The following LAMA2 variants were observed in gnomAD, a reference collection of about 807,000 sequenced individuals.
The protein encoded by LAMA2 is laminin subunit alpha 2, also known as laminin subunit alpha-2.
LAMA2 carries 269 observed loss-of-function variants against 364.8 expected under a neutral mutation model. That is an observed-to-expected ratio of 0.74 (90% CI 0.67 to 0.82). The LOEUF (loss-of-function observed/expected upper bound fraction) is 0.82, where lower values mean the gene tolerates loss of function less well. Among genes scored for constraint, LAMA2 ranks in the 40% least tolerant of loss-of-function variants. LAMA2 has a pLI of 0.00. For missense variants in LAMA2, 3,807 were observed against 3,873.2 expected (o/e 0.98, Z 0.45); for synonymous variants, 1,379 against 1,370.6 (o/e 1.01, Z -0.14).
Position 129,250,144 on chromosome 6 carries a change from C to T in LAMA2, c.1815C>T (p.Thr605=), listed in dbSNP as rs2114276312. 6.2e-7 allele frequency: 1 copy of T among 1,608,712 alleles called. No individual in the cohort carries two copies. Among genetic ancestry groups the T allele is most frequent in the Admixed American group, 1.7e-5 (1 of 59,990 alleles). ...LPAVGGQLTF[T]ISYDLEEEEE... The stretch of plus-strand genomic sequence containing the variant: ...CAGTAGGAGGACAGTTGACATTTAC[C>T]ATATCATATGACCTTGAAGAAGAGG... Residue 605 remains threonine, a synonymous_variant, in exon 13 of 65, where the codon ACC becomes ACT. Transcript: ENST00000421865.
intron 12 of LAMA2, among the ~76,000 whole-genome samples, chr6:129,195,738 G>T (rs549026760): frequency 7.2e-4 from 110 of 152,248 alleles, no homozygotes; most frequent in Non-Finnish European, 1.2e-3. Flanking sequence ...TGGTTTTAGG[G>T]CATTTGTTTA....
chr6:129,184,779 A>G (rs1206448558), intron 10 of LAMA2, among the ~76,000 whole-genome samples: 2 of 151,832 alleles, frequency 1.3e-5, no homozygotes, highest in South Asian at 2.1e-4. Context: ...CTCTATTGCC[A>G]TAGTTTCTCA....
intron 1 of LAMA2, among the ~76,000 whole-genome samples, chr6:128,902,326 A>G (rs982689695): frequency 6.6e-6 from 1 of 152,206 alleles, no homozygotes; most frequent in Non-Finnish European, 1.5e-5. Context: ...TTTCCAGTTG[A>G]AAGTATTTCC....
chr6:128,997,000 A>G (rs1258418063), intron 1 of LAMA2, among the ~76,000 whole-genome samples: 1 of 152,164 alleles, frequency 6.6e-6, no homozygotes, highest in African/African-American at 2.4e-5. Context: ...GCTGGAAACC[A>G]TCATTCTCAG....
At chr6:129,477,315 A>C (rs1328725711) in intron 53 of LAMA2, among the ~76,000 whole-genome samples, 2 of 152,220 alleles carry the variant, frequency 1.3e-5, no homozygotes, top group African/African-American at 2.4e-5. Flanking sequence ...AAAACAGACA[A>C]TATCCATCAT....
At chr6:129,164,422 A>G (rs1053822539) in intron 8 of LAMA2, among the ~76,000 whole-genome samples, 6 of 152,236 alleles carry the variant, frequency 3.9e-5, no homozygotes, top group Non-Finnish European at 5.9e-5. Context: ...GCAAAACTAC[A>G]GATGAGGTGA....
chr6:129,140,228 T>G (rs1384600295), intron 4 of LAMA2, among the ~76,000 whole-genome samples: 1 of 152,128 alleles, frequency 6.6e-6, no homozygotes, highest in East Asian at 1.9e-4. Context: ...GTCTTACTAA[T>G]CTGTAAAGCA....
At chr6:129,252,435 C>T (rs1786329108) in intron 14 of LAMA2, 140 bp downstream of exon 14, 1 of 672,276 alleles carries the variant, frequency 1.5e-6, no homozygotes, top group African/African-American at 1.8e-5. Context: ...CCCTAGTTTT[C>T]TGAAAGATTT....
At chr6:129,450,168 T>C (rs1171056880) in intron 45 of LAMA2, among the ~76,000 whole-genome samples, 1 of 151,874 alleles carries the variant, frequency 6.6e-6, no homozygotes, top group Non-Finnish European at 1.5e-5. Context: ...TTTTTTTTTT[T>C]TTACCAGGCT....
intron 9 of LAMA2, among the ~76,000 whole-genome samples, chr6:129,168,414 A>T (rs1779903242): frequency 6.6e-6 from 1 of 152,180 alleles, no homozygotes; most frequent in Non-Finnish European, 1.5e-5. Flanking sequence ...CCATTTATTA[A>T]ACAGGGAATC....
intron 34 of LAMA2, among the ~76,000 whole-genome samples, chr6:129,381,142 T>A (rs1055259511): frequency 2.0e-5 from 3 of 152,200 alleles, no homozygotes; most frequent in South Asian, 2.1e-4. Context: ...AATGTACATT[T>A]TCTGTACCAT....
intron 18 of LAMA2, among the ~76,000 whole-genome samples, chr6:129,283,948 A>G (rs1245789878): frequency 6.6e-6 from 1 of 152,036 alleles, no homozygotes; most frequent in East Asian, 1.9e-4. Context: ...GAGGCCACTC[A>G]TATGTGGTTG....
intron 12 of LAMA2, among the ~76,000 whole-genome samples, chr6:129,193,650 T>C (rs1448234821): frequency 2.0e-5 from 3 of 152,200 alleles, no homozygotes; most frequent in Non-Finnish European, 2.9e-5. Flanking sequence ...TCTCAGCTGA[T>C]AGTTAAAATA....
intron 62 of LAMA2, among the ~76,000 whole-genome samples, chr6:129,510,804 C>T (rs1038611723): frequency 2.0e-5 from 3 of 151,936 alleles, no homozygotes; most frequent in African/African-American, 7.2e-5. Flanking sequence ...AGAGTAGGAC[C>T]CTCCACCAAA....
chr6:129,285,847 CTG>C (rs1414475208), intron 18 of LAMA2, among the ~76,000 whole-genome samples: 11 of 152,040 alleles, frequency 7.2e-5, no homozygotes, highest in Non-Finnish European at 1.5e-4. Flanking sequence ...ACAATTATAT[CTG>C]TGGTTGGCAA....
At chr6:129,060,719 A>G (rs1788848509) in intron 3 of LAMA2, among the ~76,000 whole-genome samples, 1 of 152,226 alleles carries the variant, frequency 6.6e-6, no homozygotes. Flanking sequence ...GGGCCAGATC[A>G]GCACAAGACA....
In LAMA2 at chr6:129,128,273, A is replaced by G. The variant is rs530359234; in HGVS notation, c.640-15628A>G. Among the ~76,000 whole-genome samples the G allele has an allele frequency of 2.6e-5, 4 of 152,270 alleles. No homozygotes were observed. The East Asian group carries it at 7.7e-4, about 29-fold the overall frequency. ...ACAGACTATCCTTTTCTCATTGTGT[A>G]TTCTTAGCATCTTTGTCAAAAATAA... On this transcript the variant is annotated intron_variant, in intron 4 of 64. Transcript: ENST00000421865.
At chr6:128,989,205 A>T (rs918842265) in intron 1 of LAMA2, among the ~76,000 whole-genome samples, 3 of 152,190 alleles carry the variant, frequency 2.0e-5, no homozygotes, top group African/African-American at 7.2e-5. Context: ...ATTTATAGTA[A>T]AGAATATGTA....
chr6:129,148,562 T>C (rs1439369976), intron 6 of LAMA2, among the ~76,000 whole-genome samples: 3 of 152,050 alleles, frequency 2.0e-5, no homozygotes, highest in African/African-American at 7.2e-5. Flanking sequence ...AGATTTCTGG[T>C]TTACCTGCAC....
Sources: allele counts gnomAD v4.1 joint callset (sites outside exome capture counted in the v4.1 genomes callset), GRCh38; gene constraint gnomAD v4.1.1; transcripts MANE v1.5; gene names NCBI Gene and HGNC (gene_info 2026-07-23, HGNC 2026-07-21).